Variants in RASAL1 observed in about 807,000 individuals in gnomAD.
RASAL1 encodes the protein RAS protein activator like 1.
In RASAL1, 72 loss-of-function variants were observed where a neutral mutation model predicts 96.6. That is an observed-to-expected ratio of 0.75 (90% CI 0.62 to 0.91). The LOEUF is 0.91. Ranked by LOEUF, RASAL1 falls within the 40% of genes least tolerant of loss-of-function variation. The probability of loss-of-function intolerance (pLI) is 0.00; values close to 1 mark genes in which losing one functional copy is unlikely to be tolerated. For synonymous variants in RASAL1, 405 were observed against 430.4 expected (o/e 0.94, Z 0.73); for missense variants, 1,016 against 1,072.5 (o/e 0.95, Z 0.74).
At position 113,119,388 on chromosome 12, in the gene RASAL1, A is replaced by C. The variant is rs759506053; in HGVS notation, c.484T>G (p.Trp162Gly). 2 of 1,612,264 alleles carry C rather than the reference A, an allele frequency of 1.2e-6. No homozygotes were observed. Among genetic ancestry groups the C allele is most frequent in the South Asian group, 1.1e-5 (1 of 90,602 alleles). Reference protein sequence around the residue: ...GTSDPFARVFWGSQSLETSTI... With the variant: ...GTSDPFARVFGGSQSLETSTI... ...GAGGTCTCCAAGCTCTGGCTGCCCC[A>C]AAACACACGTGCAAATGGGTCAGAT... The change falls in exon 6 of 21, where the codon TGG becomes GGG. Residue 162 changes from tryptophan (W) to glycine (G), a missense_variant. Transcript: ENST00000548055.
At chr12:113,102,042 C>T in intron 18 of RASAL1, 33 bp from the exon 19 acceptor site, 2 of 1,599,238 alleles carry the variant, frequency 1.3e-6, no homozygotes, top group Non-Finnish European at 1.7e-6. Context: ...ATCAGTAACT[C>T]CCTCTCCCCT....
In RASAL1 at chr12:113,119,378, T is replaced by C. The variant is rs749033956; in HGVS notation, c.494A>G (p.Gln165Arg). 13 of 1,612,672 alleles carry C rather than the reference T, an allele frequency of 8.1e-6. No homozygotes were observed. The highest frequency in any genetic ancestry group is 1.1e-5 in the Non-Finnish European group (13 of 1,179,312). Residue 165 changes from glutamine to arginine, a missense_variant, in exon 6 of 21, where the codon CAG (glutamine) becomes CGG (arginine). Physicochemically the swap from Gln to Arg is conservative, Grantham distance 43. Coordinates refer to ENST00000548055, the MANE Select transcript of RASAL1 (RefSeq NM_001301202.2). ...DPFARVFWGS[Q>R]SLETSTIKKT... ...ACCACTCACTGAGGTCTCCAAGCTC[T>C]GGCTGCCCCAAAACACACGTGCAAA...
At chr12:113,132,537 T>C (rs1317002736) in intron 1 of RASAL1, among the ~76,000 whole-genome samples, 1 of 152,168 alleles carries the variant, frequency 6.6e-6, no homozygotes, top group Non-Finnish European at 1.5e-5. Context: ...CCTCTACCTA[T>C]TCAAATGGCC....
Position 113,111,986 on chromosome 12 carries a change from CG to C in RASAL1, c.1374+99del, listed in dbSNP as rs1378122733. On this transcript the variant is annotated intron_variant, in intron 13 of 20. Transcript: ENST00000548055. ...CTGCCAGGACAGAATGCTCTAGTGC[CG>C]GCAGCCTAGGTTCTGGTCACAGTTC... 9.4e-6 allele frequency: 10 copies of C among 1,063,248 alleles called. No individual in the cohort carries two copies. In the African/African-American group the frequency reaches 1.6e-4, roughly 17 times the overall value. The allele number at this position is 1,063,248 out of a possible 1,614,324, so 65.9% of individuals were successfully genotyped here.
At chr12:113,105,282 C>CT (rs1409590754) in intron 16 of RASAL1, among the ~76,000 whole-genome samples, 1 of 152,248 alleles carries the variant, frequency 6.6e-6, no homozygotes, top group African/African-American at 2.4e-5. Context: ...AATAGGCACT[C>CT]AATAAATGTT....
chr12:113,126,021 A>G (rs1195295680), intron 4 of RASAL1, among the ~76,000 whole-genome samples: 1 of 152,224 alleles, frequency 6.6e-6, no homozygotes, highest in Non-Finnish European at 1.5e-5. Flanking sequence ...GCAGTGGCTT[A>G]TGCCTGTAAT....
At chr12:113,107,958 T>A in intron 14 of RASAL1, 127 bp downstream of exon 14, 3 of 1,048,836 alleles carry the variant, frequency 2.9e-6, no homozygotes, top group Non-Finnish European at 4.0e-6. Flanking sequence ...CTAACGGTGG[T>A]GTTTCAGACT....
chr12:113,099,822 C>T lies in RASAL1; in HGVS notation c.*107G>A. On this transcript the variant is annotated 3_prime_UTR_variant, in exon 21 of 21. Coordinates refer to ENST00000548055, the MANE Select transcript of RASAL1 (RefSeq NM_001301202.2). ...AGGCACGTCTCTGGGAGCCTCCAAA[C>T]CACAGAATCAAAGAGGTCCAAGGAG... 1 of 1,471,752 alleles carries T rather than the reference C, an allele frequency of 6.8e-7. No individual in the cohort carries two copies. The highest frequency in any genetic ancestry group is 9.1e-7 in the Non-Finnish European group (1 of 1,096,108). The allele number at this position is 1,471,752 out of a possible 1,614,324, so 91.2% of individuals were successfully genotyped here.
rs1356835733 is a variant in RASAL1 at position 113,115,173 on chromosome 12, T to A, written c.1068+27A>T. 2 of 1,597,696 alleles carry A rather than the reference T, an allele frequency of 1.3e-6. No individual in the cohort carries two copies. Among genetic ancestry groups the A allele is most frequent in the Non-Finnish European group, 1.7e-6 (2 of 1,165,390 alleles). On this transcript the variant is annotated intron_variant, in intron 11 of 20. Transcript: ENST00000548055. This position sits in a 1 kb window ranked among gnomAD's most constrained non-coding sequence, Gnocchi z 4.1. ...AGGAGGTACCCGAGGAAGCTGCGCC[T>A]GGTCCCGCAGGCCTTCACCTACTCA...
At chr12:113,114,988 G>A in intron 11 of RASAL1, 76 bp from the exon 12 acceptor site, 3 of 1,244,058 alleles carry the variant, frequency 2.4e-6, no homozygotes, top group East Asian at 2.3e-5. Context: ...GCGCAGGGGG[G>A]ACCATGCAGG....
intron 7 of RASAL1, 74 bp from the exon 8 acceptor site, chr12:113,117,235 G>T: frequency 8.5e-7 from 1 of 1,170,262 alleles, no homozygotes; most frequent in Non-Finnish European, 1.2e-6. Context: ...GTCTCACCTA[G>T]CCCTGGAAGA....
At chr12:113,111,009 G>A (rs1400573113) in intron 13 of RASAL1, among the ~76,000 whole-genome samples, 5 of 152,194 alleles carry the variant, frequency 3.3e-5, no homozygotes, top group African/African-American at 7.2e-5. Context: ...CTATATGGCA[G>A]TGATCCCCTG....
At position 113,115,887 on chromosome 12, in the gene RASAL1, A is replaced by G. The variant is rs1190620782; in HGVS notation, c.849+47T>C. ...GTGAGGCAGGGGGAGGCCAGGATCC[A>G]GACCCCCGGCACCCGCCTGATAGCA... On this transcript the variant is annotated intron_variant, in intron 9 of 20. Transcript: ENST00000548055. This position sits in a 1 kb window ranked among gnomAD's most constrained non-coding sequence, Gnocchi z 4.1. 3.8e-6 allele frequency: 6 copies of G among 1,583,814 alleles called. No homozygotes were observed. The highest frequency in any genetic ancestry group is 5.2e-6 in the Non-Finnish European group (6 of 1,161,396).
rs542025092 is a variant in RASAL1, at chr12:113,108,306, C to T, written c.1375-84G>A. Reference sequence around the variant, plus strand: ...ACTGAGGCAGCAAGGACTAGAAATTCGTGGTGCAAAGAGAAGTAGGATGGG... The same window carrying T: ...ACTGAGGCAGCAAGGACTAGAAATTTGTGGTGCAAAGAGAAGTAGGATGGG... On this transcript the variant is annotated intron_variant, in intron 13 of 20. Coordinates refer to ENST00000548055, the MANE Select transcript of RASAL1 (RefSeq NM_001301202.2). The T allele has an allele frequency of 2.7e-5, 39 of 1,468,762 alleles. 2 individuals carry two copies. The South Asian group carries it at 4.1e-4, about 16-fold the overall frequency. The allele number at this position is 1,468,762 out of a possible 1,614,324, so 91.0% of individuals were successfully genotyped here. A position where few individuals can be genotyped will look rare whatever the true frequency, so the allele number is the denominator to read the frequency against.
At position 113,099,830 on chromosome 12, in the gene RASAL1, T is replaced by C; in HGVS notation, c.*99A>G. 1 of 1,485,446 alleles carries C rather than the reference T, an allele frequency of 6.7e-7. No homozygotes were observed. The highest frequency in any genetic ancestry group is 9.0e-7 in the Non-Finnish European group (1 of 1,106,522). The allele number at this position is 1,485,446 out of a possible 1,614,324, so 92.0% of individuals were successfully genotyped here. On this transcript the variant is annotated 3_prime_UTR_variant, in exon 21 of 21. Transcript: ENST00000548055. ...CTCTGGGAGCCTCCAAACCACAGAA[T>C]CAAAGAGGTCCAAGGAGACAGGAGA... is the stretch of plus-strand genomic sequence containing the variant.
rs141435232 is a variant in RASAL1, at chr12:113,128,131, T to C, written c.170A>G (p.Tyr57Cys). The C allele has an allele frequency of 1.2e-6, 2 of 1,613,726 alleles. No individual in the cohort carries two copies. The highest frequency in any genetic ancestry group is 2.7e-5 in the African/African-American group (2 of 74,858). The change falls in exon 3 of 21, where the codon TAC becomes TGC. Residue 57 changes from tyrosine (Y) to cysteine (C), a missense_variant. Physicochemically the swap from Tyr to Cys is radical, Grantham distance 194. Transcript: ENST00000548055. ...RSLGPFWGEE[Y>C]TVHLPLDFHQ... ...GAAATCCAGAGGCAGGTGCACCGTG[T>C]ACTCCTCCCCCCAGAAGGGGCCCAG...
intron 6 of RASAL1, 31 bp downstream of exon 6, chr12:113,119,331 C>T (rs1035411151): frequency 3.1e-6 from 5 of 1,613,140 alleles, no homozygotes; most frequent in African/African-American, 1.3e-5. Flanking sequence ...AAATGCCCCA[C>T]TCCTTCCTGG....
Position 113,112,207 on chromosome 12 carries a change from TA to T in RASAL1, c.1252del (p.Tyr418ThrfsTer43), listed in dbSNP as rs1198256582. 7.9e-7 allele frequency: 1 copy of T among 1,263,812 alleles called. No homozygotes were observed. 78.3% of individuals were successfully genotyped at this position (1,263,812 alleles called of 1,614,324 possible). On this transcript the variant is annotated frameshift_variant, in exon 13 of 21. Transcript: ENST00000548055. LOFTEE classifies it high-confidence loss of function. Reference sequence around the variant, plus strand: ...GATGGCGTCCACGATGGGCCCCAGGTAGCCCGTCAGCAGCCCCAGGCTGGTC... The same window carrying T: ...GATGGCGTCCACGATGGGCCCCAGGTGCCCGTCAGCAGCCCCAGGCTGGTC... ...RETSLGLLTGYLGPIVDAIVG... is the reference protein window; with the variant it reads ...RETSLGLLTGXLGPIVDAIVG...
intron 7 of RASAL1, 37 bp from the exon 8 acceptor site, chr12:113,117,198 T>G (rs1450228377): frequency 3.8e-5 from 54 of 1,438,248 alleles, no homozygotes; most frequent in Non-Finnish European, 4.9e-5. Flanking sequence ...AGCCGGGCCC[T>G]GGCCTGCCCT....
Sources: gnomAD v4.1 joint callset for allele counts (sites outside exome capture counted in the v4.1 genomes callset) on GRCh38, gnomAD v4.1.1 for gene constraint, Gnocchi (gnomAD v3.1) non-coding constraint, MANE v1.5 for transcripts, NCBI Gene and HGNC (gene_info 2026-07-23, HGNC 2026-07-21) for gene names.